ART3: variants seen among roughly 807,000 people sequenced by gnomAD.
The protein encoded by ART3 is ADP-ribosyltransferase 3 (inactive), also known as ecto-ADP-ribosyltransferase 3.
Under a neutral mutation model 48.5 loss-of-function variants are expected in ART3, and 49 were observed. The ratio of observed to expected loss-of-function variants is 1.01; its 90% CI spans 0.80 to 1.28. The LOEUF (loss-of-function observed/expected upper bound fraction) is 1.28, where lower values mean the gene tolerates loss of function less well. ART3 is among the 50% of genes most tolerant of loss of function. The pLI, the probability that ART3 is intolerant of heterozygous loss-of-function variation, is 0.00. For synonymous variants in ART3, 145 were observed against 157.2 expected, an observed-to-expected ratio of 0.92 and a Z score of 0.58; for missense variants, 438 against 454.3, an observed-to-expected ratio of 0.96 and a Z score of 0.33.
At chr4:76,055,616 A>G (rs936820078) in intron 1 of ART3, among the ~76,000 whole-genome samples, 2 of 152,222 alleles carry the variant, frequency 1.3e-5, no homozygotes, top group African/African-American at 4.8e-5. Flanking sequence ...CTCCCTGGAA[A>G]ATAGAAAATG....
chr4:76,076,081 T>C (rs1721006682), intron 2 of ART3, 123 bp downstream of exon 2: 2 of 793,416 alleles, frequency 2.5e-6, no homozygotes, highest in East Asian at 5.3e-5. Flanking sequence ...TTCGGCTCAC[T>C]GCAAGCTCCG....
At chr4:76,073,874 CAG>C (rs1186318063), upstream of ART3, among the ~76,000 whole-genome samples, 1 of 152,130 alleles carries the variant, frequency 6.6e-6, no homozygotes, top group Non-Finnish European at 1.5e-5. Flanking sequence ...TATATATGGT[CAG>C]AGTTTGTTCG....
intron 8 of ART3, among the ~76,000 whole-genome samples, chr4:76,103,340 C>T (rs56696020): frequency 0.043 from 6,522 of 151,706 alleles, 422 homozygotes; most frequent in African/African-American, 0.14. Flanking sequence ...ACAGCCTGAG[C>T]GACTCAGCGA....
At chr4:76,047,624 C>T (rs889960478) in intron 1 of ART3, among the ~76,000 whole-genome samples, 4 of 151,838 alleles carry the variant, frequency 2.6e-5, no homozygotes, top group Non-Finnish European at 4.4e-5. Flanking sequence ...CAGATGTTTA[C>T]GACTCCAGTC....
At chr4:76,104,984 C>T (rs1241306504) in intron 10 of ART3, among the ~76,000 whole-genome samples, 1 of 152,182 alleles carries the variant, frequency 6.6e-6, no homozygotes, top group Non-Finnish European at 1.5e-5. Context: ...ACGCTGCTGT[C>T]AATGGAAGCT....
chr4:76,079,686 G>A (rs1721999327), intron 2 of ART3, among the ~76,000 whole-genome samples: 1 of 152,130 alleles, frequency 6.6e-6, no homozygotes, highest in Non-Finnish European at 1.5e-5. Flanking sequence ...CTGTTTGGGT[G>A]GAGAAATGGG....
At chr4:76,105,582 G>A in intron 10 of ART3, 18 of 1,285,322 alleles carry the variant, frequency 1.4e-5, no homozygotes, top group Non-Finnish European at 1.8e-5. Context: ...GGGGGTGGAG[G>A]CACCATGGAT....
chr4:76,106,668 T>G (rs1036424370), intron 10 of ART3, among the ~76,000 whole-genome samples: 4 of 152,206 alleles, frequency 2.6e-5, no homozygotes, highest in Non-Finnish European at 5.9e-5. Flanking sequence ...AATGTGCTTA[T>G]TAAGGCCCAC....
intron 1 of ART3, among the ~76,000 whole-genome samples, chr4:76,053,523 T>A (rs549368354): frequency 6.6e-6 from 1 of 152,348 alleles, no homozygotes; most frequent in African/African-American, 2.4e-5. Flanking sequence ...GGAATATTAC[T>A]TTTTGCCAAG....
intron 1 of ART3, among the ~76,000 whole-genome samples, chr4:76,060,197 G>A (rs1020021448): frequency 5.9e-5 from 9 of 152,128 alleles, no homozygotes; most frequent in Non-Finnish European, 1.3e-4. Context: ...TTAACCTACT[G>A]ATGTCAGATG....
At chr4:76,038,708 T>C (rs879466526) in intron 1 of ART3, among the ~76,000 whole-genome samples, 131 of 25,568 alleles carry the variant, frequency 5.1e-3, no homozygotes, top group Non-Finnish European at 6.5e-3. Context: ...TATTTATTTA[T>C]TTATTTATTT....
intron 1 of ART3, among the ~76,000 whole-genome samples, chr4:76,012,976 C>T (rs1429135177): frequency 6.6e-6 from 1 of 152,166 alleles, no homozygotes; most frequent in East Asian, 1.9e-4. Flanking sequence ...AACTTTTATT[C>T]TTATGGTTCT....
intron 1 of ART3, among the ~76,000 whole-genome samples, chr4:76,015,185 T>A (rs1191121491): frequency 6.6e-6 from 1 of 152,200 alleles, no homozygotes; most frequent in Non-Finnish European, 1.5e-5. Flanking sequence ...ACCTTCTCAT[T>A]TTTCCTATGT....
intron 1 of ART3, among the ~76,000 whole-genome samples, chr4:76,050,197 G>C (rs927667107): frequency 6.6e-6 from 1 of 152,122 alleles, no homozygotes; most frequent in African/African-American, 2.4e-5. Flanking sequence ...GGGGACCTGA[G>C]CGGGTTGCCA....
chr4:76,107,483 G>A, intron 10 of ART3: 1 of 249,988 alleles, frequency 4.0e-6, no homozygotes, highest in Non-Finnish European at 7.6e-6. Context: ...TAATGTACTT[G>A]GGAATCTAAG....
intron 3 of ART3, among the ~76,000 whole-genome samples, chr4:76,094,899 G>C (rs914106888): frequency 6.6e-6 from 1 of 152,052 alleles, no homozygotes; most frequent in Non-Finnish European, 1.5e-5. Flanking sequence ...ACTACTTAAG[G>C]GTTGGTAAGT....
chr4:76,109,570 G>T (rs1344304896), intron 11 of ART3, among the ~76,000 whole-genome samples: 1 of 152,158 alleles, frequency 6.6e-6, no homozygotes, highest in African/African-American at 2.4e-5. Context: ...CAAATGTTAT[G>T]TATTATATAT....
chr4:76,072,469 A>G (rs2149508431), upstream of ART3, among the ~76,000 whole-genome samples: 1 of 152,118 alleles, frequency 6.6e-6, no homozygotes, highest in East Asian at 1.9e-4. Flanking sequence ...AACAACACAC[A>G]TACACACACA....
chr4:76,046,169 C>A (rs542890301), intron 1 of ART3, among the ~76,000 whole-genome samples: 16 of 152,114 alleles, frequency 1.1e-4, no homozygotes, highest in African/African-American at 3.6e-4. Context: ...ATCCCTAAAC[C>A]CTTGGGGCAA....
Sources: gnomAD v4.1 joint callset for allele counts (sites outside exome capture counted in the v4.1 genomes callset) on GRCh38, gnomAD v4.1.1 for gene constraint, MANE v1.5 for transcripts, NCBI Gene and HGNC (gene_info 2026-07-23, HGNC 2026-07-21) for gene names.